XKR9: variants seen among roughly 807,000 people sequenced by gnomAD.
XKR9 encodes XK related 9.
XKR9 carries 32 observed loss-of-function variants against 32.0 expected under a neutral mutation model. The observed-to-expected ratio is 1.00, with a 90% CI of 0.76 to 1.34. XKR9 has a LOEUF of 1.34. Ranked by LOEUF, XKR9 falls within the 40% of genes most tolerant of loss-of-function variation. The pLI, the probability that XKR9 is intolerant of heterozygous loss-of-function variation, is 0.00. For synonymous variants in XKR9, 168 were observed against 143.4 expected (o/e 1.17, Z -1.22); for missense variants, 546 against 429.7 (o/e 1.27, Z -2.39).
chr8:70,749,750 A>G (rs1807111581), intron 2 of XKR9, among the ~76,000 whole-genome samples: 1 of 152,224 alleles, frequency 6.6e-6, no homozygotes, highest in Non-Finnish European at 1.5e-5. Context: ...AACCCCAAGC[A>G]GAGGCATGGC....
the XKR9 span, among the ~76,000 whole-genome samples, chr8:70,989,338 A>T: frequency 6.6e-6 from 1 of 152,240 alleles, no homozygotes; most frequent in Non-Finnish European, 1.5e-5. Context: ...AATAAAATTT[A>T]TATTATTTGC....
chr8:70,960,699 C>T, the XKR9 span, among the ~76,000 whole-genome samples: 1 of 151,440 alleles, frequency 6.6e-6, no homozygotes. Context: ...GAAACTCTGT[C>T]TCTACAAAAA....
the XKR9 span, among the ~76,000 whole-genome samples, chr8:70,887,974 G>C: frequency 6.6e-6 from 1 of 152,056 alleles, no homozygotes; most frequent in Non-Finnish European, 1.5e-5. Flanking sequence ...AATAGGAGTG[G>C]TAAGACAGGG....
chr8:70,911,789 T>A, the XKR9 span, among the ~76,000 whole-genome samples: 1 of 152,192 alleles, frequency 6.6e-6, no homozygotes, highest in Admixed American at 6.5e-5. Flanking sequence ...GCAGAAGGGA[T>A]AGTCAGAGAA....
chr8:71,045,498 C>T, the XKR9 span, among the ~76,000 whole-genome samples: 1 of 152,182 alleles, frequency 6.6e-6, no homozygotes, highest in East Asian at 1.9e-4. Flanking sequence ...CAAAGTGAAA[C>T]AAGGAAGAGA....
At chr8:70,958,136 A>C in the XKR9 span, among the ~76,000 whole-genome samples, 7 of 152,166 alleles carry the variant, frequency 4.6e-5, no homozygotes, top group Admixed American at 3.3e-4. Flanking sequence ...TGTCTTTGCT[A>C]TTGTGAATAG....
chr8:70,834,502 A>G, the XKR9 span, among the ~76,000 whole-genome samples: 1 of 152,084 alleles, frequency 6.6e-6, no homozygotes, highest in African/African-American at 2.4e-5. Context: ...GAAAAATGTT[A>G]ATTCAAGGCC....
chr8:71,015,575 C>A, the XKR9 span, among the ~76,000 whole-genome samples: 1 of 152,088 alleles, frequency 6.6e-6, no homozygotes. Flanking sequence ...CCTATAGTAA[C>A]AAAAGCAGAA....
chr8:70,853,085 A>C, the XKR9 span, among the ~76,000 whole-genome samples: 2 of 152,168 alleles, frequency 1.3e-5, no homozygotes, highest in Non-Finnish European at 2.9e-5. Flanking sequence ...GTCATTCTAT[A>C]ATAATTTGCA....
At chr8:70,853,758 A>G in the XKR9 span, among the ~76,000 whole-genome samples, 9 of 151,994 alleles carry the variant, frequency 5.9e-5, no homozygotes, top group Middle Eastern at 3.4e-3. Flanking sequence ...ATTCCCACCT[A>G]TGAGTGAGAA....
the XKR9 span, among the ~76,000 whole-genome samples, chr8:71,054,581 T>A: frequency 6.6e-6 from 1 of 152,168 alleles, no homozygotes; most frequent in African/African-American, 2.4e-5. Flanking sequence ...CAGATGTGTA[T>A]TAAGGTGCCA....
chr8:70,976,778 A>C, the XKR9 span, among the ~76,000 whole-genome samples: 1 of 152,106 alleles, frequency 6.6e-6, no homozygotes, highest in Admixed American at 6.5e-5. Context: ...GATTGGAATA[A>C]TTTCAGAAGG....
At chr8:70,897,642 C>T in the XKR9 span, among the ~76,000 whole-genome samples, 1 of 152,030 alleles carries the variant, frequency 6.6e-6, no homozygotes, top group Non-Finnish European at 1.5e-5. Flanking sequence ...ACTTTGAGCA[C>T]CTTTTCATAT....
At chr8:70,686,433 T>C (rs1022088458) in intron 3 of XKR9, among the ~76,000 whole-genome samples, 30 of 147,202 alleles carry the variant, frequency 2.0e-4, no homozygotes, top group African/African-American at 7.1e-4. Flanking sequence ...ATATATATAT[T>C]TGGTAGAGAC....
the XKR9 span, among the ~76,000 whole-genome samples, chr8:70,863,556 C>T: frequency 6.6e-6 from 1 of 152,018 alleles, no homozygotes. Context: ...GTGATAGCCT[C>T]TAAATGCAAA....
chr8:70,734,413 C>A lies in XKR9; in HGVS notation c.1111C>A (p.Leu371Ile). The change falls in exon 5 of 5, where the codon CTA becomes ATA. Residue 371 changes from leucine (L) to isoleucine (I), a missense_variant. Transcript: ENST00000408926. ...VLRECRMRYF[L>I]ME ...AAGAGAATGTAGAATGAGATATTTC[C>A]TAATGGAATAAGCTATTCATTTATG... 1 of 1,578,842 alleles carries A rather than the reference C, an allele frequency of 6.3e-7. No homozygotes were observed. The highest frequency in any genetic ancestry group is 1.2e-5 in the South Asian group (1 of 85,172).
At chr8:70,784,512 G>T (rs939192908) in intron 2 of XKR9, among the ~76,000 whole-genome samples, 1 of 151,728 alleles carries the variant, frequency 6.6e-6, no homozygotes, top group Non-Finnish European at 1.5e-5. Context: ...TTAGTGTGTA[G>T]AAATGCTACT....
chr8:71,020,236 T>C, the XKR9 span, among the ~76,000 whole-genome samples: 3 of 152,234 alleles, frequency 2.0e-5, no homozygotes, highest in East Asian at 1.9e-4. Context: ...GTTTAGTTAG[T>C]TGAGCCAGTT....
At chr8:70,683,288 A>G (rs1338814659) in intron 3 of XKR9, among the ~76,000 whole-genome samples, 1 of 152,182 alleles carries the variant, frequency 6.6e-6, no homozygotes, top group African/African-American at 2.4e-5. Context: ...AAACAATATA[A>G]TTCGATTTGC....
Sources: gnomAD v4.1 joint callset for allele counts (sites outside exome capture counted in the v4.1 genomes callset) on GRCh38, gnomAD v4.1.1 for gene constraint, MANE v1.5 for transcripts, NCBI Gene and HGNC (gene_info 2026-07-23, HGNC 2026-07-21) for gene names.